Variants in ARFGEF2 observed in about 807,000 individuals in gnomAD.
The protein encoded by ARFGEF2 is brefeldin A-inhibited guanine nucleotide-exchange protein 2.
ARFGEF2 carries 74 observed loss-of-function variants against 219.9 expected under a neutral mutation model. The ratio of observed to expected loss-of-function variants is 0.34; its 90% CI spans 0.28 to 0.41. The LOEUF is 0.41. ARFGEF2 is among the 10% of genes least tolerant of loss of function. The pLI is 1.00. For synonymous variants in ARFGEF2, 733 were observed against 799.2 expected (o/e 0.92, Z 1.40); for missense variants, 1,743 against 2,218.3 (o/e 0.79, Z 4.30).
chr20:49,010,250 C>T lies in ARFGEF2; in HGVS notation c.3603C>T (p.Asp1201=). Reference sequence around the variant, plus strand: ...TCCTCAGGTCTCCCACCATCCGGGACATGGCGATCCGCTGCATTGCCCAGA... The same window carrying T: ...TCCTCAGGTCTCCCACCATCCGGGATATGGCGATCCGCTGCATTGCCCAGA... The part of the protein sequence containing the change: ...MKKNRSPTIR[D]MAIRCIAQMV... The change falls in exon 27 of 39, where the codon GAC becomes GAT. Residue 1201 remains aspartate (D), a synonymous_variant. Transcript: ENST00000371917. 1 of 1,614,116 alleles carries T rather than the reference C, an allele frequency of 6.2e-7. No individual in the cohort carries two copies. Among genetic ancestry groups the T allele is most frequent in the Non-Finnish European group, 8.5e-7 (1 of 1,179,982 alleles).
intron 14 of ARFGEF2, among the ~76,000 whole-genome samples, chr20:48,981,712 T>C (rs2123444128): frequency 1.3e-5 from 2 of 152,326 alleles, no homozygotes; most frequent in Non-Finnish European, 2.9e-5. Context: ...ACTTCTCTTC[T>C]CACTTTATTT....
In ARFGEF2 at chr20:48,953,765, C is replaced by T; in HGVS notation, c.813C>T (p.Pro271=). ...GKVSTENGDA[P]RERGSSLSGT... is the part of the protein sequence containing the mutation. ...TAAGCACAGAAAATGGAGACGCACC[C>T]AGAGAAAGAGGCTCATCACTGTCAG... is the stretch of plus-strand genomic sequence containing the variant. Residue 271 remains proline (P), a synonymous_variant, in exon 6 of 39, where the codon CCC becomes CCT. Transcript: ENST00000371917. The T allele has an allele frequency of 3.1e-6, 5 of 1,614,042 alleles. No individual in the cohort carries two copies. Among genetic ancestry groups the T allele is most frequent in the South Asian group, 1.1e-5 (1 of 91,064 alleles).
intron 1 of ARFGEF2, among the ~76,000 whole-genome samples, chr20:48,939,001 G>T (rs1311213013): frequency 7.1e-6 from 1 of 140,618 alleles, no homozygotes; most frequent in Non-Finnish European, 1.5e-5. Flanking sequence ...TTTTGAGAAA[G>T]TCTCACTATG....
At chr20:48,968,100 T>A (rs1482550209) in intron 8 of ARFGEF2, among the ~76,000 whole-genome samples, 1 of 151,896 alleles carries the variant, frequency 6.6e-6, no homozygotes, top group Non-Finnish European at 1.5e-5. Flanking sequence ...TTCATGCCAT[T>A]CTCCTGCCTT....
At position 49,024,107 on chromosome 20, in the gene ARFGEF2, G is replaced by C. The variant is rs535662236; in HGVS notation, c.4755+926G>C. Among the ~76,000 whole-genome samples the C allele has an allele frequency of 1.2e-3, 177 of 152,258 alleles. 1 individual carries two copies. Among genetic ancestry groups the C allele is most frequent in the Non-Finnish European group, 1.9e-3 (126 of 68,030 alleles). ...CCATCTCAGCCTCTTAAGTAGCTGG[G>C]ACTACAGGCACATGCCGCCATGCCC... is the stretch of plus-strand genomic sequence containing the variant. On this transcript the variant is annotated intron_variant, in intron 35 of 38. Coordinates refer to ENST00000371917, the MANE Select transcript of ARFGEF2 (RefSeq NM_006420.3).
intron 6 of ARFGEF2, among the ~76,000 whole-genome samples, chr20:48,954,480 A>G (rs1441167524): frequency 6.6e-6 from 1 of 152,176 alleles, no homozygotes; most frequent in African/African-American, 2.4e-5. Flanking sequence ...TCCTTTCCCA[A>G]GTGATTCTGT....
intron 11 of ARFGEF2, among the ~76,000 whole-genome samples, chr20:48,972,626 G>A (rs145754285): frequency 1.3e-5 from 2 of 152,286 alleles, no homozygotes; most frequent in East Asian, 1.9e-4. Flanking sequence ...CCTGGTTTTA[G>A]CACTAAAAGT....
At position 48,998,348 on chromosome 20, in the gene ARFGEF2, G is replaced by A. The variant is rs151045115; in HGVS notation, c.3275G>A (p.Arg1092His). Reference protein sequence around the residue: ...LDGNAIVDFVRWLCAVSMDEL... With the variant: ...LDGNAIVDFVHWLCAVSMDEL... ...GTCTGGCCTGTAGTTGACTTTGTCC[G>A]CTGGCTGTGTGCTGTGTCCATGGAT... is the stretch of plus-strand genomic sequence containing the variant. The change falls in exon 25 of 39, where the codon CGC (arginine) becomes CAC (histidine). Residue 1092 changes from arginine (R) to histidine (H), a missense_variant. By Grantham distance (29) the Arg-to-His change is conservative (BLOSUM62 0). Coordinates refer to ENST00000371917, the MANE Select transcript of ARFGEF2 (RefSeq NM_006420.3). 812 of 1,614,048 alleles carry A rather than the reference G, an allele frequency of 5.0e-4. 5 individuals carry two copies. Among genetic ancestry groups the A allele is most frequent in the Admixed American group, 4.0e-4 (24 of 60,010 alleles).
intron 3 of ARFGEF2, among the ~76,000 whole-genome samples, chr20:48,943,532 T>C (rs2091006644): frequency 6.6e-6 from 1 of 152,222 alleles, no homozygotes; most frequent in Non-Finnish European, 1.5e-5. Flanking sequence ...GCTCAGGACC[T>C]ACTCCTTAGG....
intron 35 of ARFGEF2, among the ~76,000 whole-genome samples, chr20:49,023,640 G>A (rs894146327): frequency 1.3e-5 from 2 of 150,214 alleles, no homozygotes; most frequent in South Asian, 2.1e-4. Flanking sequence ...CTGGGTTCAC[G>A]CCATTCTCCT....
intron 14 of ARFGEF2, among the ~76,000 whole-genome samples, chr20:48,981,470 C>G (rs1338953601): frequency 6.6e-6 from 1 of 152,126 alleles, no homozygotes; most frequent in South Asian, 2.1e-4. Context: ...TGGGGTTGCT[C>G]TTCTCTAGGA....
chr20:48,976,232 C>A, intron 14 of ARFGEF2, 33 bp downstream of exon 14: 1 of 1,611,128 alleles, frequency 6.2e-7, no homozygotes, highest in South Asian at 1.1e-5. Context: ...AGCAGGGATT[C>A]TAGCAAAGCC....
At chr20:48,939,005 C>T (rs2090977970) in intron 1 of ARFGEF2, among the ~76,000 whole-genome samples, 1 of 141,556 alleles carries the variant, frequency 7.1e-6, no homozygotes, top group Non-Finnish European at 1.5e-5. Context: ...GAGAAAGTCT[C>T]ACTATGTCAC....
chr20:48,953,361 A>G (rs1474296245), intron 5 of ARFGEF2, among the ~76,000 whole-genome samples, 195 bp from the exon 6 acceptor site: 2 of 151,744 alleles, frequency 1.3e-5, no homozygotes, highest in Non-Finnish European at 2.9e-5. Flanking sequence ...TTTTCTATAG[A>G]GACAGAGTTT....
chr20:48,963,725 C>T (rs1477193001), intron 6 of ARFGEF2, 105 bp from the exon 7 acceptor site: 1 of 1,123,332 alleles, frequency 8.9e-7, no homozygotes, highest in African/African-American at 1.5e-5. Context: ...TTATTTGCAC[C>T]CTTTGCCTTC....
chr20:48,967,085 A>G (rs1436834929), intron 8 of ARFGEF2, among the ~76,000 whole-genome samples: 5 of 152,186 alleles, frequency 3.3e-5, no homozygotes, highest in African/African-American at 7.2e-5. Context: ...GGCTCAAGCA[A>G]TCTGCCCACC....
At chr20:48,928,888 A>G (rs920800821) in intron 1 of ARFGEF2, among the ~76,000 whole-genome samples, 20 of 152,366 alleles carry the variant, frequency 1.3e-4, no homozygotes, top group African/African-American at 4.3e-4. Flanking sequence ...AGTCTCCAAC[A>G]TGAGTGAAGC....
intron 37 of ARFGEF2, among the ~76,000 whole-genome samples, 181 bp from the exon 38 acceptor site, chr20:49,031,868 T>C (rs2091637407): frequency 6.6e-6 from 1 of 151,460 alleles, no homozygotes; most frequent in Admixed American, 6.6e-5. Flanking sequence ...CAGTGAACCT[T>C]GATCACACCA....
rs1317383810 is a variant in ARFGEF2, at chr20:49,013,840, A to G, written c.4059A>G (p.Thr1353=). Residue 1353 remains threonine, a synonymous_variant, in exon 30 of 39, where the codon ACA becomes ACG. Coordinates refer to ENST00000371917, the MANE Select transcript of ARFGEF2 (RefSeq NM_006420.3). ...ACTTTGTTTCCTCCAGGGGACTCAC[A>G]GTCATGTTTGAGATCATGAAGAGCT... ...CKLDVRTRGL[T]VMFEIMKSYG... 2 of 1,613,980 alleles carry G rather than the reference A, an allele frequency of 1.2e-6. No homozygotes were observed. The highest frequency in any genetic ancestry group is 2.2e-5 in the East Asian group (1 of 44,882).
Sources: gnomAD v4.1 joint callset for allele counts (sites outside exome capture counted in the v4.1 genomes callset) on GRCh38, gnomAD v4.1.1 for gene constraint, MANE v1.5 for transcripts, NCBI Gene and HGNC (gene_info 2026-07-23, HGNC 2026-07-21) for gene names.